LRRC4C: variants seen among roughly 807,000 people sequenced by gnomAD.
The protein encoded by LRRC4C is leucine rich repeat containing 4C, also known as leucine-rich repeat-containing protein 4C.
In LRRC4C, 5 loss-of-function variants were observed where a neutral mutation model predicts 33.6. The observed-to-expected ratio is 0.15, with a 90% CI of 0.08 to 0.31. The LOEUF (loss-of-function observed/expected upper bound fraction) is 0.31. Among genes scored for constraint, LRRC4C ranks in the 10% least tolerant of loss-of-function variants. LRRC4C has a pLI of 1.00. For synonymous variants in LRRC4C, 329 were observed against 302.0 expected (o/e 1.09, Z -0.93); for missense variants, 560 against 796.7 (o/e 0.70, Z 3.58).
chr11:40,845,571 G>A (rs538548704), intron 2 of LRRC4C, among the ~76,000 whole-genome samples: 7 of 152,092 alleles, frequency 4.6e-5, no homozygotes, highest in Admixed American at 6.6e-5. Flanking sequence ...TTCTTTATCC[G>A]GCCTAACATT....
intron 1 of LRRC4C, among the ~76,000 whole-genome samples, chr11:41,247,905 C>T (rs1273458059): frequency 6.6e-6 from 1 of 152,130 alleles, no homozygotes; most frequent in Non-Finnish European, 1.5e-5. Context: ...ATGCATGAGA[C>T]ACATTTTTCT....
At chr11:40,937,481 A>T (rs952578908) in intron 1 of LRRC4C, among the ~76,000 whole-genome samples, 1 of 151,244 alleles carries the variant, frequency 6.6e-6, no homozygotes, top group African/African-American at 2.4e-5. Flanking sequence ...AGTTGAAATT[A>T]AAAAAAAATA....
intron 1 of LRRC4C, among the ~76,000 whole-genome samples, chr11:41,162,213 C>G (rs952788951): frequency 6.6e-6 from 1 of 152,080 alleles, no homozygotes; most frequent in African/African-American, 2.4e-5. Context: ...GTCTATCAAA[C>G]GCAGGGTCCA....
At chr11:41,216,565 T>C (rs1389859678) in intron 1 of LRRC4C, among the ~76,000 whole-genome samples, 2 of 152,166 alleles carry the variant, frequency 1.3e-5, no homozygotes, top group Non-Finnish European at 2.9e-5. Context: ...TTCTGCTTCA[T>C]ACATAGCAGC....
intron 2 of LRRC4C, among the ~76,000 whole-genome samples, chr11:40,864,178 C>T (rs1043466829): frequency 6.6e-6 from 1 of 152,124 alleles, no homozygotes; most frequent in African/African-American, 2.4e-5. Context: ...AAGTGATTCT[C>T]CTGCTTTAGC....
chr11:41,248,123 T>A (rs748600043), intron 1 of LRRC4C, among the ~76,000 whole-genome samples: 1 of 152,182 alleles, frequency 6.6e-6, no homozygotes. Context: ...AATAAGCTTA[T>A]CTTCTTTAAC....
rs1355497900 is a variant in LRRC4C at position 40,776,823 on chromosome 11, GTTAAT to G, written c.-406-128550_-406-128546del. ...GTTCTTCTAGGTGTAATATTAGATA[GTTAAT>G]TTGAGTTATTTCTAACTTCTTGTTT... On this transcript the variant is annotated intron_variant, in intron 2 of 6. Coordinates refer to ENST00000528697, the MANE Select transcript of LRRC4C (RefSeq NM_001258419.2). 3.3e-5 allele frequency among the ~76,000 whole-genome samples: 5 copies of G among 152,156 alleles called. No individual in the cohort carries two copies. The South Asian group carries it at 1.0e-3, about 32-fold the overall frequency.
chr11:40,202,291 T>G (rs916752725), intron 5 of LRRC4C, among the ~76,000 whole-genome samples: 2 of 142,004 alleles, frequency 1.4e-5, no homozygotes, highest in Admixed American at 7.1e-5. Context: ...GTAGGCAGGT[T>G]TTTTTTGTTT....
intron 3 of LRRC4C, among the ~76,000 whole-genome samples, chr11:40,404,377 A>G (rs958427618): frequency 1.3e-5 from 2 of 152,154 alleles, no homozygotes; most frequent in African/African-American, 2.4e-5. Context: ...TTTTGTGGCG[A>G]TCTCTAAAAT....
intron 3 of LRRC4C, among the ~76,000 whole-genome samples, chr11:40,607,580 G>A (rs183407502): frequency 3.3e-5 from 5 of 152,188 alleles, no homozygotes; most frequent in East Asian, 3.9e-4. Flanking sequence ...CTGAGCAGCC[G>A]GACTCCAGGG....
At chr11:41,234,000 G>A (rs1947914153) in intron 1 of LRRC4C, among the ~76,000 whole-genome samples, 1 of 150,834 alleles carries the variant, frequency 6.6e-6, no homozygotes, top group South Asian at 2.1e-4. Context: ...CACTGGGAAA[G>A]AGCAGGGAAG....
chr11:41,410,534 G>A (rs1954431294), intron 1 of LRRC4C, among the ~76,000 whole-genome samples: 2 of 151,318 alleles, frequency 1.3e-5, no homozygotes, highest in Admixed American at 1.3e-4. Context: ...TCCACCTTCT[G>A]GGTTCACGCC....
intron 5 of LRRC4C, among the ~76,000 whole-genome samples, chr11:40,187,740 A>C (rs1435839494): frequency 6.6e-6 from 1 of 152,176 alleles, no homozygotes; most frequent in Non-Finnish European, 1.5e-5. Context: ...CAGTTCCTCC[A>C]TCACTAGGTT....
At chr11:40,544,929 C>A (rs1381183093) in intron 3 of LRRC4C, among the ~76,000 whole-genome samples, 1 of 151,966 alleles carries the variant, frequency 6.6e-6, no homozygotes, top group African/African-American at 2.4e-5. Flanking sequence ...ATAGCCTGTA[C>A]TTCCCAAACA....
intron 1 of LRRC4C, among the ~76,000 whole-genome samples, chr11:41,187,497 C>T (rs1565462320): frequency 6.6e-6 from 1 of 152,124 alleles, no homozygotes; most frequent in Non-Finnish European, 1.5e-5. Context: ...AGGGGAAAAC[C>T]ACCTTCCCAC....
chr11:41,269,539 G>GC (rs1342964389), intron 1 of LRRC4C, among the ~76,000 whole-genome samples: 2 of 152,078 alleles, frequency 1.3e-5, no homozygotes, highest in African/African-American at 2.4e-5. Flanking sequence ...CAGAATGTCA[G>GC]CCCTGGACCA....
intron 1 of LRRC4C, among the ~76,000 whole-genome samples, chr11:41,162,295 A>G (rs1018093381): frequency 2.0e-5 from 3 of 152,096 alleles, no homozygotes; most frequent in Non-Finnish European, 2.9e-5. Context: ...AAGGCAATAC[A>G]TTAGCCTCCC....
intron 1 of LRRC4C, among the ~76,000 whole-genome samples, chr11:41,020,428 C>T (rs1043268032): frequency 3.9e-5 from 6 of 152,030 alleles, no homozygotes; most frequent in Non-Finnish European, 8.8e-5. Flanking sequence ...CATACTGGAA[C>T]GGGTGGGTCC....
At chr11:41,345,037 C>G (rs547339911) in intron 1 of LRRC4C, among the ~76,000 whole-genome samples, 1 of 152,142 alleles carries the variant, frequency 6.6e-6, no homozygotes, top group East Asian at 1.9e-4. Context: ...TTTGTGTATT[C>G]CTCTCAACCC....
Sources: gnomAD v4.1 joint callset for allele counts (sites outside exome capture counted in the v4.1 genomes callset) on GRCh38, gnomAD v4.1.1 for gene constraint, MANE v1.5 for transcripts, NCBI Gene and HGNC (gene_info 2026-07-23, HGNC 2026-07-21) for gene names.